Variants in TENM3 observed in about 807,000 individuals in gnomAD.
The protein encoded by TENM3 is teneurin transmembrane protein 3, also known as teneurin-3.
A neutral mutation model predicts 255.1 loss-of-function variants in TENM3; 63 were observed. That is an observed-to-expected ratio of 0.25 (90% confidence interval 0.20 to 0.30). TENM3 has a LOEUF of 0.30. Ranked by LOEUF, TENM3 falls within the 10% of genes least tolerant of loss-of-function variation. The probability of loss-of-function intolerance (pLI) is 1.00; values close to 1 mark genes in which losing one functional copy is unlikely to be tolerated. For synonymous variants in TENM3, 1,306 were observed against 1,322.3 expected (o/e 0.99, Z 0.27); for missense variants, 2,929 against 3,461.1 (o/e 0.85, Z 3.86).
At chr4:182,759,175 A>G (rs1762949674) in intron 22 of TENM3, among the ~76,000 whole-genome samples, 1 of 152,270 alleles carries the variant, frequency 6.6e-6, no homozygotes, top group Admixed American at 6.5e-5. Flanking sequence ...TGGTATAAGT[A>G]CAAAATGAAA....
chr4:181,580,277 C>T, the TENM3 span, among the ~76,000 whole-genome samples: 4 of 152,078 alleles, frequency 2.6e-5, no homozygotes, highest in African/African-American at 4.8e-5. Context: ...GGATTACAAA[C>T]GTGAGCCACC....
chr4:182,335,583 T>C (rs1228880277), intron 2 of TENM3, among the ~76,000 whole-genome samples: 1 of 151,078 alleles, frequency 6.6e-6, no homozygotes, highest in Non-Finnish European at 1.5e-5. Context: ...AGAAAGTGGT[T>C]TGAATCCACA....
At chr4:181,916,671 G>A in the TENM3 span, among the ~76,000 whole-genome samples, 8 of 152,162 alleles carry the variant, frequency 5.3e-5, no homozygotes, top group Non-Finnish European at 8.8e-5. Context: ...GAGGTCAGGA[G>A]ATCGAGACCA....
chr4:182,633,137 T>C (rs1388865272), intron 5 of TENM3, among the ~76,000 whole-genome samples: 2 of 151,966 alleles, frequency 1.3e-5, no homozygotes, highest in Non-Finnish European at 2.9e-5. Flanking sequence ...TCCCTATGTT[T>C]CCTAGATTGG....
At chr4:182,342,528 A>T (rs1450421990) in intron 2 of TENM3, among the ~76,000 whole-genome samples, 1 of 152,208 alleles carries the variant, frequency 6.6e-6, no homozygotes, top group Non-Finnish European at 1.5e-5. Flanking sequence ...TTAGGGTGAT[A>T]AAAATGTTCT....
At chr4:181,453,898 G>T in the TENM3 span, among the ~76,000 whole-genome samples, 1 of 152,166 alleles carries the variant, frequency 6.6e-6, no homozygotes. Flanking sequence ...AGAAGGTCCT[G>T]GGTTTAAAAT....
rs746379729 is a variant in TENM3, at chr4:182,729,053, G to A, written c.2457G>A (p.Gln819=). ...QPYCRGLPDP[Q]DIISQSLQSP... is the part of the protein sequence containing the mutation. ...ATTGTCGGGGACTGCCGGATCCTCA[G>A]GACATCATTAGCCAAAGCCTTCAAT... The change falls in exon 14 of 28, where the codon CAG becomes CAA. Residue 819 remains glutamine, a synonymous_variant. Coordinates refer to ENST00000511685, the MANE Select transcript of TENM3 (RefSeq NM_001080477.4). 6.2e-7 allele frequency: 1 copy of A among 1,613,830 alleles called. No individual in the cohort carries two copies. Among genetic ancestry groups the A allele is most frequent in the Non-Finnish European group, 8.5e-7 (1 of 1,179,904 alleles).
intron 3 of TENM3, among the ~76,000 whole-genome samples, chr4:182,484,602 A>G (rs945540609): frequency 6.6e-6 from 1 of 152,182 alleles, no homozygotes; most frequent in Non-Finnish European, 1.5e-5. Context: ...GTTTGTTAAA[A>G]TTTTGTATGT....
At chr4:181,609,864 C>T in the TENM3 span, among the ~76,000 whole-genome samples, 2 of 151,890 alleles carry the variant, frequency 1.3e-5, no homozygotes, top group African/African-American at 4.8e-5. Flanking sequence ...AGAAATTCCA[C>T]ACTTTCAACA....
At chr4:181,594,472 A>C in the TENM3 span, among the ~76,000 whole-genome samples, 39 of 152,172 alleles carry the variant, frequency 2.6e-4, no homozygotes, top group African/African-American at 8.4e-4. Context: ...TTTATTTTCT[A>C]GGTGTTCCAA....
chr4:182,707,050 C>T (rs749429173), intron 12 of TENM3, among the ~76,000 whole-genome samples: 1 of 151,842 alleles, frequency 6.6e-6, no homozygotes, highest in African/African-American at 2.4e-5. Context: ...CTAATGGGGA[C>T]GATTTACACA....
the TENM3 span, among the ~76,000 whole-genome samples, chr4:182,054,127 TCTTC>T: frequency 1.3e-5 from 2 of 152,158 alleles, no homozygotes; most frequent in African/African-American, 4.8e-5. Flanking sequence ...CTCATTTACA[TCTTC>T]CATGTGCTCC....
At chr4:182,626,785 A>G (rs1324907374) in intron 4 of TENM3, among the ~76,000 whole-genome samples, 4 of 152,328 alleles carry the variant, frequency 2.6e-5, no homozygotes, top group Non-Finnish European at 4.4e-5. Flanking sequence ...TAATTTGTAC[A>G]AGTGGCAACT....
the TENM3 span, among the ~76,000 whole-genome samples, chr4:181,595,443 A>AAACAAAAAAAAAAC: frequency 2.3e-5 from 3 of 130,774 alleles, no homozygotes; most frequent in African/African-American, 1.0e-4. Context: ...AAAAAAAAAA[A>AAACAAAAAAAAAAC]AAAAAAAAAA....
At chr4:182,193,306 C>T (rs2149794667) in intron 1 of TENM3, among the ~76,000 whole-genome samples, 1 of 152,262 alleles carries the variant, frequency 6.6e-6, no homozygotes, top group Non-Finnish European at 1.5e-5. Context: ...GTTTCCCAGC[C>T]TCTCCTTTGC....
chr4:181,814,391 G>A, the TENM3 span, among the ~76,000 whole-genome samples: 1 of 152,080 alleles, frequency 6.6e-6, no homozygotes, highest in Non-Finnish European at 1.5e-5. Flanking sequence ...AAAAATGCAA[G>A]GAGAACTTAA....
Position 182,799,912 on chromosome 4 carries a change from C to T in TENM3, c.7661C>T (p.Thr2554Met), listed in dbSNP as rs753453014. Residue 2554 changes from threonine (T) to methionine (M), a missense_variant, in exon 28 of 28, where the codon ACG becomes ATG. Physicochemically the swap from Thr to Met is moderately conservative, Grantham distance 81. Around this residue, in one of 6 missense-constraint regions of TENM3, gnomAD observed 476 missense variants for 480.1 expected, o/e 0.99. Transcript: ENST00000511685. This position sits in a 1 kb window ranked among gnomAD's most constrained non-coding sequence, Gnocchi z 4.2. Reference sequence around the variant, plus strand: ...ACGCACTACTTCATCAAGACCACCACGCCCGAGAGCGACCTGGGCACGCTG... The same window carrying T: ...ACGCACTACTTCATCAAGACCACCATGCCCGAGAGCGACCTGGGCACGCTG... ...KDTHYFIKTT[T>M]PESDLGTLRL... 1.9e-6 allele frequency: 3 copies of T among 1,604,650 alleles called. No homozygotes were observed. Among genetic ancestry groups the T allele is most frequent in the South Asian group, 1.1e-5 (1 of 89,174 alleles).
chr4:182,484,034 A>G (rs1040142157), intron 3 of TENM3, among the ~76,000 whole-genome samples: 6 of 152,184 alleles, frequency 3.9e-5, no homozygotes, highest in Non-Finnish European at 7.4e-5. Flanking sequence ...TCGGCCTGTT[A>G]CTTTCATGAG....
the TENM3 span, among the ~76,000 whole-genome samples, chr4:181,596,321 C>G: frequency 6.6e-6 from 1 of 152,158 alleles, no homozygotes; most frequent in Non-Finnish European, 1.5e-5. Flanking sequence ...TGTGTTTTCA[C>G]AAGCTTGCAC....
Sources: gnomAD v4.1 joint callset for allele counts (sites outside exome capture counted in the v4.1 genomes callset) on GRCh38, gnomAD v4.1.1 for gene constraint, gnomAD v4.1.1 regional missense constraint, Gnocchi (gnomAD v3.1) non-coding constraint, MANE v1.5 for transcripts, NCBI Gene and HGNC (gene_info 2026-07-23, HGNC 2026-07-21) for gene names.